Variants in DSE observed in about 807,000 individuals in gnomAD.
DSE encodes dermatan-sulfate epimerase.
Under a neutral mutation model 84.4 loss-of-function variants are expected in DSE, and 36 were observed. That is an observed-to-expected ratio of 0.43 (90% CI 0.33 to 0.56). The LOEUF (loss-of-function observed/expected upper bound fraction) is 0.56, where lower values mean the gene tolerates loss of function less well. DSE is among the 20% of genes least tolerant of loss of function. The probability of loss-of-function intolerance (pLI) is 0.06; values close to 1 mark genes in which losing one functional copy is unlikely to be tolerated. For missense variants in DSE, 862 were observed against 1,169.6 expected (o/e 0.74, Z 3.84); for synonymous variants, 410 against 430.1 (o/e 0.95, Z 0.58).
At chr6:116,365,273 G>A (rs913273460) in intron 2 of DSE, among the ~76,000 whole-genome samples, 22 of 151,682 alleles carry the variant, frequency 1.5e-4, no homozygotes, top group African/African-American at 5.3e-4. Flanking sequence ...TTTTTGTGGG[G>A]GGGATGGAGT....
chr6:116,419,831 T>G (rs1169526689), intron 2 of DSE, among the ~76,000 whole-genome samples: 1 of 152,256 alleles, frequency 6.6e-6, no homozygotes, highest in African/African-American at 2.4e-5. Flanking sequence ...AGTAAATATT[T>G]TATAGGTTGG....
intron 2 of DSE, among the ~76,000 whole-genome samples, chr6:116,355,164 G>C (rs1778508538): frequency 6.6e-6 from 1 of 152,126 alleles, no homozygotes; most frequent in Admixed American, 6.5e-5. Context: ...ACACATACGT[G>C]CATATATTCT....
chr6:116,367,274 C>T (rs1779218199), upstream of DSE: 1 of 152,178 alleles, frequency 6.6e-6, no homozygotes, highest in African/African-American at 2.4e-5. Flanking sequence ...CTTACTTCTT[C>T]TGTGATCTGA....
intron 2 of DSE, among the ~76,000 whole-genome samples, chr6:116,317,809 C>G (rs1776073931): frequency 6.6e-6 from 1 of 152,162 alleles, no homozygotes; most frequent in African/African-American, 2.4e-5. Flanking sequence ...GGGCTTTCAC[C>G]TCAGAACAAG....
intron 2 of DSE, among the ~76,000 whole-genome samples, chr6:116,348,984 G>C (rs972698506): frequency 1.3e-5 from 2 of 152,012 alleles, no homozygotes; most frequent in Admixed American, 1.3e-4. Flanking sequence ...GGGTGGAGGG[G>C]GGAGGGATAG....
intron 2 of DSE, chr6:116,287,959 A>G (rs1338937570): frequency 1.3e-5 from 2 of 152,136 alleles, no homozygotes; most frequent in African/African-American, 2.4e-5. Context: ...TATAAATTAA[A>G]TACTTTTTTA....
chr6:116,389,669 T>C (rs1184184688), intron 1 of DSE, among the ~76,000 whole-genome samples: 2 of 152,242 alleles, frequency 1.3e-5, no homozygotes, highest in African/African-American at 4.8e-5. Flanking sequence ...GGTTGAGATT[T>C]AGCTGTTGGC....
At chr6:116,290,576 C>T (rs1774217523) in intron 2 of DSE, among the ~76,000 whole-genome samples, 1 of 152,010 alleles carries the variant, frequency 6.6e-6, no homozygotes, top group African/African-American at 2.4e-5. Flanking sequence ...GATATAAGAG[C>T]TCTAGCAAAT....
chr6:116,427,816 C>G (rs970755530), intron 3 of DSE, among the ~76,000 whole-genome samples: 6 of 152,196 alleles, frequency 3.9e-5, no homozygotes, highest in Non-Finnish European at 5.9e-5. Context: ...TTTATAATAA[C>G]TTAAGCAAAA....
At chr6:116,362,862 G>A (rs1778979468) in intron 2 of DSE, among the ~76,000 whole-genome samples, 2 of 152,180 alleles carry the variant, frequency 1.3e-5, no homozygotes, top group South Asian at 4.1e-4. Context: ...AACCATACTT[G>A]AGAACAAATG....
At chr6:116,356,459 C>A (rs1239502905) in intron 2 of DSE, among the ~76,000 whole-genome samples, 3 of 152,130 alleles carry the variant, frequency 2.0e-5, no homozygotes, top group African/African-American at 7.2e-5. Flanking sequence ...ATTATAAGAC[C>A]TAATTTCATC....
chr6:116,274,580 C>CA (rs1290685063), intron 2 of DSE, among the ~76,000 whole-genome samples: 2,907 of 103,138 alleles, frequency 0.028, 87 homozygotes, highest in African/African-American at 0.091. Context: ...AACTCTGTCT[C>CA]AAAAAAAAAA....
rs763584486 is a variant in DSE, at chr6:116,399,194, G to A, written c.-53-4G>A. The A allele has an allele frequency of 3.2e-5, 51 of 1,607,834 alleles. No homozygotes were observed. The highest frequency in any genetic ancestry group is 6.7e-5 in the African/African-American group (5 of 74,758). On this transcript the variant is annotated splice_region_variant and splice_polypyrimidine_tract_variant and intron_variant, in intron 1 of 5. Transcript: ENST00000644252. ...ACACTTTTTTTCCTTTTTATCTCACGTAGGATCTTTCGAAGATGGTTTGGC... is the reference window on the plus strand; with the variant it reads ...ACACTTTTTTTCCTTTTTATCTCACATAGGATCTTTCGAAGATGGTTTGGC...
At chr6:116,306,049 T>C (rs986592663) in intron 2 of DSE, among the ~76,000 whole-genome samples, 1 of 152,150 alleles carries the variant, frequency 6.6e-6, no homozygotes, top group African/African-American at 2.4e-5. Flanking sequence ...TGTATGTACA[T>C]GTGAGTATGT....
At position 116,441,569 on chromosome 6, in the gene DSE, G is replaced by GCTCTCTTACCCATTCTTT. The variant is rs1285471820; in HGVS notation, c.*4224_*4225insCTCTCTTACCCATTCTTT. On this transcript the variant is annotated 3_prime_UTR_variant, in exon 6 of 6. Coordinates refer to ENST00000644252, the MANE Select transcript of DSE (RefSeq NM_013352.4). Reference sequence around the variant, plus strand: ...TACCCATTCTTTATACTTATTGGAAGATAATAGGTGCTATGGAAGGAAAAG... The same window carrying GCTCTCTTACCCATTCTTT: ...TACCCATTCTTTATACTTATTGGAAGCTCTCTTACCCATTCTTTATAATAGGTGCTATGGAAGGAAAAG... 6.6e-6 allele frequency: 1 copy of GCTCTCTTACCCATTCTTT among 152,184 alleles called. No homozygotes were observed. The highest frequency in any genetic ancestry group is 2.4e-5 in the African/African-American group (1 of 41,446). 9.4% of individuals were successfully genotyped at this position (152,184 alleles called of 1,614,324 possible).
At chr6:116,313,335 G>C (rs1022197878) in intron 2 of DSE, among the ~76,000 whole-genome samples, 3 of 152,186 alleles carry the variant, frequency 2.0e-5, no homozygotes, top group Non-Finnish European at 4.4e-5. Flanking sequence ...TGCAGTTTAT[G>C]ATATTTTATT....
rs1163557773 is a variant in DSE, at chr6:116,322,556, C to T, written c.-54+63589C>T. On this transcript the variant is annotated intron_variant, in intron 2 of 3. Transcript: ENST00000430252. ...CCCCAAAATTACTTCTGCCCCCCCACCCCAATTAAATAAGATTTACCTTTG... is the reference window on the plus strand; with the variant it reads ...CCCCAAAATTACTTCTGCCCCCCCATCCCAATTAAATAAGATTTACCTTTG... Among the ~76,000 whole-genome samples the T allele has an allele frequency of 4.0e-5, 6 of 151,442 alleles. No homozygotes were observed. The East Asian group carries it at 1.2e-3, about 29-fold the overall frequency.
chr6:116,419,107 C>G (rs1380600446), intron 2 of DSE, among the ~76,000 whole-genome samples: 1 of 152,156 alleles, frequency 6.6e-6, no homozygotes, highest in East Asian at 1.9e-4. Context: ...CTGAACATTC[C>G]CCTTGGACTG....
chr6:116,350,409 G>T (rs562697100), intron 2 of DSE, among the ~76,000 whole-genome samples: 8 of 152,088 alleles, frequency 5.3e-5, no homozygotes, highest in African/African-American at 1.4e-4. Context: ...TCAGAGAAAA[G>T]AACTTGTATC....
Sources: gnomAD v4.1 joint callset for allele counts (sites outside exome capture counted in the v4.1 genomes callset) on GRCh38, gnomAD v4.1.1 for gene constraint, MANE v1.5 for transcripts, NCBI Gene and HGNC (gene_info 2026-07-23, HGNC 2026-07-21) for gene names.